Variants in SV2B observed in about 807,000 individuals in gnomAD.
The protein encoded by SV2B is solute carrier family 22 member B2.
SV2B carries 41 observed loss-of-function variants against 73.9 expected under a neutral mutation model. The ratio of observed to expected loss-of-function variants is 0.56; its 90% CI spans 0.43 to 0.72. SV2B has a LOEUF of 0.72. SV2B is among the 30% of genes least tolerant of loss of function. SV2B has a pLI of 0.00. For missense variants in SV2B, 764 were observed against 857.8 expected (o/e 0.89, Z 1.37); for synonymous variants, 314 against 314.2 (o/e 1.00, Z 0.01).
At chr15:91,207,503 C>T (rs1014641225) in intron 1 of SV2B, among the ~76,000 whole-genome samples, 4 of 152,066 alleles carry the variant, frequency 2.6e-5, no homozygotes, top group African/African-American at 4.8e-5. Flanking sequence ...ACAATTTGTT[C>T]GCCGGCATAC....
intron 1 of SV2B, among the ~76,000 whole-genome samples, chr15:91,208,504 A>G (rs530999927): frequency 5.3e-5 from 8 of 152,230 alleles, no homozygotes; most frequent in African/African-American, 1.9e-4. Context: ...TGGTTTCAAG[A>G]CTCCGGATGA....
intron 1 of SV2B, among the ~76,000 whole-genome samples, chr15:91,202,631 A>G (rs1253648754): frequency 6.6e-6 from 1 of 152,222 alleles, no homozygotes; most frequent in Admixed American, 6.5e-5. Context: ...TTCCCTGGGA[A>G]GCAGAGGGAG....
chr15:91,109,857 T>C (rs1057398525), intron 1 of SV2B, among the ~76,000 whole-genome samples: 2 of 152,142 alleles, frequency 1.3e-5, no homozygotes, highest in African/African-American at 2.4e-5. Flanking sequence ...CACCTCAGCC[T>C]CCCAAGTAGC....
chr15:91,156,586 A>G (rs1307387060), intron 1 of SV2B, among the ~76,000 whole-genome samples: 1 of 152,220 alleles, frequency 6.6e-6, no homozygotes, highest in Non-Finnish European at 1.5e-5. Context: ...TGCGCAGGAG[A>G]GACCCATGCT....
chr15:91,117,858 G>A (rs2042224022), intron 1 of SV2B, among the ~76,000 whole-genome samples: 1 of 152,192 alleles, frequency 6.6e-6, no homozygotes, highest in South Asian at 2.1e-4. Flanking sequence ...ATCTACCAAA[G>A]CAAGTTCCCT....
In SV2B at chr15:91,100,260, C is replaced by G. The variant is rs1467264411; in HGVS notation, c.-495C>G. The G allele has an allele frequency of 2.0e-5, 3 of 152,116 alleles. No homozygotes were observed. Among genetic ancestry groups the G allele is most frequent in the African/African-American group, 4.8e-5 (2 of 41,432 alleles). The allele number at this position is 152,116 out of a possible 1,614,324, so 9.4% of individuals were successfully genotyped here. A position where few individuals can be genotyped will look rare whatever the true frequency, so the allele number is the denominator to read the frequency against. On this transcript the variant is annotated 5_prime_UTR_variant, in exon 1 of 13. Transcript: ENST00000394232. The surrounding 1 kb of genome is among the most constrained non-coding windows in gnomAD (Gnocchi z 6.4). The stretch of plus-strand genomic sequence containing the variant: ...ACACCCGCCGGCGCCTGCCTCCGCC[C>G]GGATCGCCCAGCTCCGCGTTAGCCG...
intron 2 of SV2B, among the ~76,000 whole-genome samples, chr15:91,247,969 C>A (rs977205923): frequency 1.2e-4 from 18 of 152,124 alleles, no homozygotes; most frequent in African/African-American, 4.1e-4. Context: ...TTATTCGATT[C>A]TTTTTAAAGT....
Position 91,197,513 on chromosome 15 carries a change from C to T in SV2B, c.-391-28360C>T, listed in dbSNP as rs1333724531. Among the ~76,000 whole-genome samples, 11 of 151,358 alleles carry T rather than the reference C, an allele frequency of 7.3e-5. No homozygotes were observed. The highest frequency in any genetic ancestry group is 1.0e-4 in the Non-Finnish European group (7 of 67,858). ...TGCTGGGATTACAGGCGTGAGCCAC[C>T]GCGCCCAGCCATCATTGTTTTTAAT... On this transcript the variant is annotated intron_variant, in intron 1 of 12. Transcript: ENST00000394232. This position sits in a 1 kb window ranked among gnomAD's most constrained non-coding sequence, Gnocchi z 4.9.
chr15:91,152,521 A>G (rs2043345878), intron 1 of SV2B, among the ~76,000 whole-genome samples: 1 of 152,208 alleles, frequency 6.6e-6, no homozygotes, highest in African/African-American at 2.4e-5. Flanking sequence ...TTGTCCTTAA[A>G]TAGATGCATT....
At chr15:91,161,511 T>TA (rs2043717045) in intron 1 of SV2B, among the ~76,000 whole-genome samples, 1 of 152,188 alleles carries the variant, frequency 6.6e-6, no homozygotes, top group African/African-American at 2.4e-5. Flanking sequence ...TGCAAGTAAA[T>TA]AAAATGAATG....
At chr15:91,170,982 T>C (rs1157836249) in intron 1 of SV2B, among the ~76,000 whole-genome samples, 1 of 152,174 alleles carries the variant, frequency 6.6e-6, no homozygotes, top group Non-Finnish European at 1.5e-5. Context: ...CCAGGTGCCA[T>C]TGCACATTTA....
rs1283432627 is a variant in SV2B, at chr15:91,139,130, A to C, written c.-392+38767A>C. Among the ~76,000 whole-genome samples, 1 of 152,138 alleles carries C rather than the reference A, an allele frequency of 6.6e-6. No individual in the cohort carries two copies. Among genetic ancestry groups the C allele is most frequent in the Non-Finnish European group, 1.5e-5 (1 of 68,010 alleles). On this transcript the variant is annotated intron_variant, in intron 1 of 12. Transcript: ENST00000394232. This position sits in a 1 kb window ranked among gnomAD's most constrained non-coding sequence, Gnocchi z 5.2. ...TCCTATTCTTTAAAAATTGTTACTG[A>C]TGTGCGTATGGCTAAAATCATATGA...
At chr15:91,291,976 A>G (rs1369176705) in intron 12 of SV2B, among the ~76,000 whole-genome samples, 1 of 152,182 alleles carries the variant, frequency 6.6e-6, no homozygotes, top group South Asian at 2.1e-4. Flanking sequence ...CTGCTTCAGG[A>G]GGGTTGAGAG....
At position 91,132,499 on chromosome 15, in the gene SV2B, C is replaced by T. The variant is rs1368468401; in HGVS notation, c.-392+32136C>T. Reference sequence around the variant, plus strand: ...TGGAGTGAAGTTACAAAGTTGCAAACGAAGACGGGACCCTCATTCAGTCTG... The same window carrying T: ...TGGAGTGAAGTTACAAAGTTGCAAATGAAGACGGGACCCTCATTCAGTCTG... On this transcript the variant is annotated intron_variant, in intron 1 of 12. Coordinates refer to ENST00000394232, the MANE Select transcript of SV2B (RefSeq NM_001323032.3). This position sits in a 1 kb window ranked among gnomAD's most constrained non-coding sequence, Gnocchi z 4.6. Among the ~76,000 whole-genome samples the T allele has an allele frequency of 1.3e-5, 2 of 152,176 alleles. No individual in the cohort carries two copies. Among genetic ancestry groups the T allele is most frequent in the African/African-American group, 4.8e-5 (2 of 41,452 alleles).
intron 1 of SV2B, among the ~76,000 whole-genome samples, chr15:91,166,854 C>T (rs2043931640): frequency 6.7e-6 from 1 of 149,622 alleles, no homozygotes; most frequent in Admixed American, 6.7e-5. Flanking sequence ...TGCTCTGTTG[C>T]CCAGGCTGGA....
Position 91,245,718 on chromosome 15 carries a change from C to G in SV2B, c.452-6101C>G, listed in dbSNP as rs982709616. 7.2e-5 allele frequency among the ~76,000 whole-genome samples: 11 copies of G among 151,940 alleles called. No homozygotes were observed. The highest frequency in any genetic ancestry group is 2.7e-4 in the African/African-American group (11 of 41,310). Reference sequence around the variant, plus strand: ...TCACAGGAGTTTGGCAAATATCAAACAAATAAATATATAACATCAAATAGA... The same window carrying G: ...TCACAGGAGTTTGGCAAATATCAAAGAAATAAATATATAACATCAAATAGA... On this transcript the variant is annotated intron_variant, in intron 2 of 12. Coordinates refer to ENST00000394232, the MANE Select transcript of SV2B (RefSeq NM_001323032.3). This position sits in a 1 kb window ranked among gnomAD's most constrained non-coding sequence, Gnocchi z 4.2.
At chr15:91,101,765 C>A (rs2041732145) in intron 1 of SV2B, 1 of 152,242 alleles carries the variant, frequency 6.6e-6, no homozygotes, top group Non-Finnish European at 1.5e-5. Context: ...GTGGGCAGAG[C>A]TTTACAAGTC....
intron 1 of SV2B, among the ~76,000 whole-genome samples, chr15:91,151,445 T>C (rs1348732297): frequency 1.3e-5 from 2 of 152,226 alleles, no homozygotes; most frequent in Non-Finnish European, 2.9e-5. Flanking sequence ...TTTAGCCTAA[T>C]CAGCCTGAGA....
rs1308292022 is a variant in SV2B at position 91,227,130 on chromosome 15, CCTT to C, written c.451+419_451+421del. Among the ~76,000 whole-genome samples the C allele has an allele frequency of 1.3e-5, 2 of 152,284 alleles. No homozygotes were observed. Among genetic ancestry groups the C allele is most frequent in the African/African-American group, 4.8e-5 (2 of 41,550 alleles). On this transcript the variant is annotated intron_variant, in intron 2 of 12. Transcript: ENST00000394232. The surrounding 1 kb of genome is among the most constrained non-coding windows in gnomAD (Gnocchi z 4.5). ...CTCTGGCTGGTCTCTTCCACTTGGT[CCTT>C]CTCTCTGTGTCTTTCCAGAGTCCGA...
Sources: allele counts gnomAD v4.1 joint callset (sites outside exome capture counted in the v4.1 genomes callset), GRCh38; gene constraint gnomAD v4.1.1; non-coding constraint Gnocchi (gnomAD v3.1); transcripts MANE v1.5; gene names NCBI Gene and HGNC (gene_info 2026-07-23, HGNC 2026-07-21).